PSMD1: variants seen among roughly 807,000 people sequenced by gnomAD.
The protein encoded by PSMD1 is 26S proteasome non-ATPase regulatory subunit 1.
A neutral mutation model predicts 119.0 loss-of-function variants in PSMD1; 18 were observed. That is an observed-to-expected ratio of 0.15 (90% CI 0.10 to 0.22). The LOEUF is 0.22. Ranked by LOEUF, PSMD1 falls within the 10% of genes least tolerant of loss-of-function variation. The pLI is 1.00. For missense variants in PSMD1, 702 were observed against 1,158.5 expected (o/e 0.61, Z 5.72); for synonymous variants, 374 against 396.6 (o/e 0.94, Z 0.68).
rs1220299505 is a variant in PSMD1, at chr2:231,077,070, A to G, written c.979A>G (p.Lys327Glu). Residue 327 changes from lysine (K) to glutamate (E), a missense_variant, in exon 9 of 25, where the codon AAA (lysine) becomes GAA (glutamate). Coordinates refer to ENST00000308696, the MANE Select transcript of PSMD1 (RefSeq NM_002807.4). The stretch of plus-strand genomic sequence containing the variant: ...TAAGGACCAGACTTTGAAAATGATT[A>G]AAATTTTAAGTGGTGAAATGGCTAT... ...EPKDQTLKMI[K>E]ILSGEMAIEL... The G allele has an allele frequency of 6.2e-7, 1 of 1,607,558 alleles. No homozygotes were observed.
chr2:231,091,870 C>T (rs940814397), intron 16 of PSMD1, among the ~76,000 whole-genome samples: 1 of 152,172 alleles, frequency 6.6e-6, no homozygotes, highest in Admixed American at 6.5e-5. Context: ...GACACAGATA[C>T]ACTTATGCTC....
chr2:231,078,961 A>C (rs2125168757), intron 10 of PSMD1, among the ~76,000 whole-genome samples: 1 of 152,026 alleles, frequency 6.6e-6, no homozygotes, highest in African/African-American at 2.4e-5. Context: ...TGCCTGGCTA[A>C]TTTTTATATT....
At chr2:231,139,889 A>C (rs1696064326) in intron 17 of PSMD1, among the ~76,000 whole-genome samples, 1 of 152,220 alleles carries the variant, frequency 6.6e-6, no homozygotes, top group Non-Finnish European at 1.5e-5. Context: ...CATGAGATTC[A>C]TAAAGAAATG....
intron 16 of PSMD1, among the ~76,000 whole-genome samples, chr2:231,128,592 C>T (rs1026282229): frequency 6.6e-6 from 1 of 152,206 alleles, no homozygotes; most frequent in African/African-American, 2.4e-5. Flanking sequence ...TCTTTTCATC[C>T]ATCCTATCCT....
At chr2:231,078,123 C>T (rs1694212212) in intron 9 of PSMD1, among the ~76,000 whole-genome samples, 1 of 152,138 alleles carries the variant, frequency 6.6e-6, no homozygotes, top group South Asian at 2.1e-4. Context: ...CAAAAATTAG[C>T]CGGGCATGGT....
chr2:231,062,491 C>T lies in PSMD1; in HGVS notation c.135-15C>T, dbSNP rs199636932. 7.9e-5 allele frequency: 125 copies of T among 1,576,978 alleles called. No individual in the cohort carries two copies. In the African/African-American group the frequency reaches 1.4e-3, roughly 18 times the overall value. ...CACAGTTTGAACTAGACCTGTACTT[C>T]CTAATTTCTTTCAGAGAGGTTTTAT... is the stretch of plus-strand genomic sequence containing the variant. On this transcript the variant is annotated splice_polypyrimidine_tract_variant and intron_variant, in intron 3 of 24. Transcript: ENST00000308696.
Position 231,062,625 on chromosome 2 carries a change from G to A in PSMD1, c.254G>A (p.Gly85Glu). ...EESLNYALGAGDLFNVNDNSE... is the reference protein window; with the variant it reads ...EESLNYALGAEDLFNVNDNSE... ...TCTCTGAATTATGCTCTTGGAGCAG[G>A]GGACCTCTTCAATGTCAATGATAAC... Residue 85 changes from glycine (G) to glutamate (E), a missense_variant, in exon 4 of 25, where the codon GGG becomes GAG. Gly to Glu is a moderately conservative substitution (Grantham distance 98). Transcript: ENST00000308696. 6.2e-7 allele frequency: 1 copy of A among 1,613,064 alleles called. No individual in the cohort carries two copies. The highest frequency in any genetic ancestry group is 2.2e-5 in the East Asian group (1 of 44,870).
chr2:231,062,635 C>T lies in PSMD1; in HGVS notation c.264C>T (p.Phe88=), dbSNP rs1693787335. ...LNYALGAGDL[F]NVNDNSEYVE... ...ATGCTCTTGGAGCAGGGGACCTCTT[C>T]AATGTCAATGATAACTCTGAATATG... The change falls in exon 4 of 25, where the codon TTC becomes TTT. Residue 88 remains phenylalanine (F), a synonymous_variant. Coordinates refer to ENST00000308696, the MANE Select transcript of PSMD1 (RefSeq NM_002807.4). 6.2e-7 allele frequency: 1 copy of T among 1,612,126 alleles called. No individual in the cohort carries two copies. The highest frequency in any genetic ancestry group is 1.7e-5 in the Admixed American group (1 of 59,516).
chr2:231,170,346 A>T lies in PSMD1; in HGVS notation c.2716-220A>T. The T allele has an allele frequency of 2.4e-6, 1 of 415,862 alleles. No individual in the cohort carries two copies. The allele number at this position is 415,862 out of a possible 1,614,324, so 25.8% of individuals were successfully genotyped here. The stretch of plus-strand genomic sequence containing the variant: ...TTAAATTGGGATGCATCATCCAAGT[A>T]GAACAGCATCACATGTTATACCATC... On this transcript the variant is annotated intron_variant, in intron 23 of 24. Transcript: ENST00000308696. The surrounding 1 kb of genome is among the most constrained non-coding windows in gnomAD (Gnocchi z 4.1).
intron 7 of PSMD1, among the ~76,000 whole-genome samples, chr2:231,075,124 T>C (rs539729565): frequency 6.6e-6 from 1 of 152,342 alleles, no homozygotes; most frequent in South Asian, 2.1e-4. Context: ...AATATGGTGC[T>C]TTGACCTACA....
At chr2:231,137,029 AC>A (rs1304389265) in intron 16 of PSMD1, among the ~76,000 whole-genome samples, 4 of 145,204 alleles carry the variant, frequency 2.8e-5, no homozygotes, top group East Asian at 3.9e-4. Context: ...ATATTTATGT[AC>A]CATATATAAT....
intron 16 of PSMD1, among the ~76,000 whole-genome samples, chr2:231,103,463 G>C (rs1694915024): frequency 6.6e-6 from 1 of 152,022 alleles, no homozygotes; most frequent in African/African-American, 2.4e-5. Context: ...AGTGTTCTTC[G>C]AGGCCTCTTC....
chr2:231,068,798 G>A (rs1693968463), intron 5 of PSMD1, among the ~76,000 whole-genome samples: 1 of 152,130 alleles, frequency 6.6e-6, no homozygotes, highest in African/African-American at 2.4e-5. Context: ...TACAAAAATA[G>A]TGATGTTGGC....
intron 23 of PSMD1, among the ~76,000 whole-genome samples, chr2:231,167,256 T>A (rs1342443147): frequency 6.6e-6 from 1 of 152,136 alleles, no homozygotes; most frequent in African/African-American, 2.4e-5. Context: ...GTATTCTAAC[T>A]GTGTCTGTAA....
At chr2:231,150,019 G>A (rs535960398) in intron 18 of PSMD1, among the ~76,000 whole-genome samples, 48 of 152,180 alleles carry the variant, frequency 3.2e-4, no homozygotes, top group Non-Finnish European at 5.3e-4. Context: ...AAAATTAGAC[G>A]CTAAATACGG....
chr2:231,078,912 A>G (rs901080686), intron 10 of PSMD1, among the ~76,000 whole-genome samples, 165 bp downstream of exon 10: 1 of 144,112 alleles, frequency 6.9e-6, no homozygotes, highest in African/African-American at 2.6e-5. Flanking sequence ...CTCCTGCCTC[A>G]GCCTCCCAAG....
intron 16 of PSMD1, among the ~76,000 whole-genome samples, chr2:231,100,761 T>C (rs944227336): frequency 1.3e-5 from 2 of 152,168 alleles, no homozygotes; most frequent in Admixed American, 6.5e-5. Context: ...TAAGCAGCTG[T>C]TTCAATACTT....
intron 17 of PSMD1, among the ~76,000 whole-genome samples, chr2:231,139,573 A>AAG (rs1553566356): frequency 5.0e-4 from 72 of 144,488 alleles, no homozygotes; most frequent in African/African-American, 1.7e-3. Flanking sequence ...AAAAAAAAAA[A>AAG]AAGAAGAAGA....
At chr2:231,070,742 A>G (rs1031231602) in intron 6 of PSMD1, among the ~76,000 whole-genome samples, 47 of 152,052 alleles carry the variant, frequency 3.1e-4, no homozygotes, top group African/African-American at 1.1e-3. Flanking sequence ...TTATTCACAC[A>G]TGTGGATCTA....
Sources: gnomAD v4.1 joint callset for allele counts (sites outside exome capture counted in the v4.1 genomes callset) on GRCh38, gnomAD v4.1.1 for gene constraint, Gnocchi (gnomAD v3.1) non-coding constraint, MANE v1.5 for transcripts, NCBI Gene and HGNC (gene_info 2026-07-23, HGNC 2026-07-21) for gene names.